ZBTB7C: variants seen among roughly 807,000 people sequenced by gnomAD.
ZBTB7C encodes zinc finger and BTB domain-containing protein 7C.
ZBTB7C carries 8 observed loss-of-function variants against 25.7 expected under a neutral mutation model. The observed-to-expected ratio is 0.31, with a 90% CI of 0.18 to 0.56. The LOEUF (loss-of-function observed/expected upper bound fraction) is 0.56, where lower values mean the gene tolerates loss of function less well. ZBTB7C is among the 20% of genes least tolerant of loss of function. The pLI, the probability that ZBTB7C is intolerant of heterozygous loss-of-function variation, is 0.91. For synonymous variants in ZBTB7C, 394 were observed against 369.0 expected (o/e 1.07, Z -0.78); for missense variants, 824 against 855.2 (o/e 0.96, Z 0.46).
intron 3 of ZBTB7C, among the ~76,000 whole-genome samples, chr18:48,161,087 C>T (rs1270610934): frequency 6.6e-6 from 1 of 151,280 alleles, no homozygotes; most frequent in Non-Finnish European, 1.5e-5. Flanking sequence ...CAGCAGAGGC[C>T]TGGCAGCTTG....
intron 3 of ZBTB7C, among the ~76,000 whole-genome samples, chr18:48,071,887 A>G (rs2037556584): frequency 6.6e-6 from 1 of 152,232 alleles, no homozygotes; most frequent in African/African-American, 2.4e-5. Flanking sequence ...TATGCCAGAC[A>G]TAAAAGGACA....
In ZBTB7C at chr18:48,139,007, T is replaced by TG. The variant is rs58834053; in HGVS notation, c.-17+46926dup. Among the ~76,000 whole-genome samples, 1,320 of 151,796 alleles carry TG rather than the reference T, an allele frequency of 8.7e-3. 25 individuals are homozygous for TG. The highest frequency in any genetic ancestry group is 0.03 in the African/African-American group (1,221 of 41,380). On this transcript the variant is annotated intron_variant, in intron 3 of 4. Transcript: ENST00000590800. Reference sequence around the variant, plus strand: ...GATAAAGCACAGGCGGACTGGAGAGTGGGGCAAGGTGCATCCAGCACCCTG... The same window carrying TG: ...GATAAAGCACAGGCGGACTGGAGAGTGGGGGCAAGGTGCATCCAGCACCCTG...
chr18:48,065,000 G>A (rs781608804), intron 3 of ZBTB7C, among the ~76,000 whole-genome samples: 12 of 152,136 alleles, frequency 7.9e-5, no homozygotes, highest in Admixed American at 1.3e-4. Context: ...GACTTTAACC[G>A]CCAAACATCT....
Position 48,144,376 on chromosome 18 carries a change from CTT to C in ZBTB7C, c.-17+41556_-17+41557del, listed in dbSNP as rs919241715. On this transcript the variant is annotated intron_variant, in intron 3 of 4. Transcript: ENST00000590800. ...TTTATTTTTTTTAGACAGGGTCTCA[CTT>C]TGTCACCCAGGCTGGAGTGCAGTGG... Among the ~76,000 whole-genome samples, 10 of 152,016 alleles carry C rather than the reference CTT, an allele frequency of 6.6e-5. No homozygotes were observed. The East Asian group carries it at 1.7e-3, about 26-fold the overall frequency.
intron 3 of ZBTB7C, among the ~76,000 whole-genome samples, chr18:48,144,334 CAA>C (rs1480639864): frequency 6.6e-6 from 1 of 151,788 alleles, no homozygotes; most frequent in Admixed American, 6.6e-5. Context: ...ACTACATAAA[CAA>C]AACATTTCCT....
chr18:48,064,929 C>T (rs1310748491), intron 3 of ZBTB7C, among the ~76,000 whole-genome samples: 1 of 152,192 alleles, frequency 6.6e-6, no homozygotes, highest in Non-Finnish European at 1.5e-5. Flanking sequence ...CACCACCTCC[C>T]TCCTTCAGGG....
chr18:48,333,540 G>A (rs1167329972), intron 2 of ZBTB7C, among the ~76,000 whole-genome samples: 2 of 152,180 alleles, frequency 1.3e-5, no homozygotes, highest in African/African-American at 2.4e-5. Context: ...AGCAAACTAA[G>A]AAAAAGCCAG....
intron 1 of ZBTB7C, among the ~76,000 whole-genome samples, chr18:48,404,498 T>C (rs898022141): frequency 1.3e-5 from 2 of 152,172 alleles, no homozygotes; most frequent in African/African-American, 4.8e-5. Flanking sequence ...CTGGTCTGCC[T>C]TACTAAAGAA....
At chr18:48,284,637 T>C (rs1002031420) in intron 2 of ZBTB7C, among the ~76,000 whole-genome samples, 2 of 151,490 alleles carry the variant, frequency 1.3e-5, no homozygotes, top group Non-Finnish European at 2.9e-5. Flanking sequence ...CTACTAAAAA[T>C]ACAAAAAGCT....
intron 3 of ZBTB7C, among the ~76,000 whole-genome samples, chr18:48,131,708 G>C (rs780675570): frequency 6.6e-6 from 1 of 152,154 alleles, no homozygotes; most frequent in Admixed American, 6.5e-5. Context: ...TAGAGCTCTG[G>C]GACATGCAAA....
intron 2 of ZBTB7C, among the ~76,000 whole-genome samples, chr18:48,191,513 C>G (rs1290261179): frequency 1.3e-5 from 2 of 152,260 alleles, no homozygotes; most frequent in Admixed American, 6.5e-5. Context: ...GCTGGCTTTT[C>G]CCTGGGAGGT....
intron 2 of ZBTB7C, among the ~76,000 whole-genome samples, chr18:48,270,746 C>T (rs755958442): frequency 1.1e-4 from 17 of 150,910 alleles, no homozygotes; most frequent in African/African-American, 3.2e-4. Context: ...TTCAGCATGT[C>T]GGCCAGGATG....
At chr18:48,386,334 C>T (rs751713380) in intron 1 of ZBTB7C, among the ~76,000 whole-genome samples, 1 of 152,204 alleles carries the variant, frequency 6.6e-6, no homozygotes, top group Non-Finnish European at 1.5e-5. Flanking sequence ...AAATGCTGAG[C>T]GTCCACAGGG....
At chr18:48,262,369 A>G (rs2044196367) in intron 2 of ZBTB7C, among the ~76,000 whole-genome samples, 1 of 152,140 alleles carries the variant, frequency 6.6e-6, no homozygotes, top group Non-Finnish European at 1.5e-5. Flanking sequence ...CCACTTACAG[A>G]GTCCACACCC....
At chr18:48,136,234 G>C (rs932493606) in intron 3 of ZBTB7C, among the ~76,000 whole-genome samples, 1 of 152,188 alleles carries the variant, frequency 6.6e-6, no homozygotes, top group African/African-American at 2.4e-5. Context: ...GGGACGCACG[G>C]GGTCAGTCCT....
intron 2 of ZBTB7C, among the ~76,000 whole-genome samples, chr18:48,189,072 C>G (rs1488273104): frequency 3.3e-5 from 5 of 152,342 alleles, no homozygotes; most frequent in Non-Finnish European, 5.9e-5. Context: ...CAAGCTGTAG[C>G]TCAGGGCTGA....
At chr18:48,083,318 G>A (rs151002267) in intron 3 of ZBTB7C, among the ~76,000 whole-genome samples, 29 of 151,898 alleles carry the variant, frequency 1.9e-4, no homozygotes, top group African/African-American at 6.5e-4. Context: ...CATCCCGAGG[G>A]GCTGTAATTG....
At chr18:48,171,300 C>T (rs1418076938) in intron 3 of ZBTB7C, among the ~76,000 whole-genome samples, 1 of 152,216 alleles carries the variant, frequency 6.6e-6, no homozygotes, top group Non-Finnish European at 1.5e-5. Context: ...TGGCTTTGGC[C>T]ATCTCACCCC....
chr18:48,118,796 A>G (rs2039530647), intron 3 of ZBTB7C, among the ~76,000 whole-genome samples: 1 of 152,246 alleles, frequency 6.6e-6, no homozygotes, highest in Non-Finnish European at 1.5e-5. Flanking sequence ...TCAATTTTAT[A>G]AAGTGAAGAA....
Sources: allele counts gnomAD v4.1 joint callset (sites outside exome capture counted in the v4.1 genomes callset), GRCh38; gene constraint gnomAD v4.1.1; transcripts MANE v1.5; gene names NCBI Gene and HGNC (gene_info 2026-07-23, HGNC 2026-07-21).